Variants in TBC1D30 observed in about 807,000 individuals in gnomAD.
TBC1D30 encodes the protein TBC1 domain family member 30.
TBC1D30 carries 31 observed loss-of-function variants against 63.2 expected under a neutral mutation model. The observed-to-expected ratio is 0.49, with a 90% CI of 0.37 to 0.66. TBC1D30 has a LOEUF of 0.66. Ranked by LOEUF, TBC1D30 falls within the 30% of genes least tolerant of loss-of-function variation. The pLI is 0.00. For missense variants in TBC1D30, 810 were observed against 953.6 expected (o/e 0.85, Z 1.98); for synonymous variants, 307 against 361.5 (o/e 0.85, Z 1.71).
intron 7 of TBC1D30, among the ~76,000 whole-genome samples, chr12:64,841,620 G>T (rs549835337): frequency 6.6e-6 from 1 of 152,234 alleles, no homozygotes; most frequent in South Asian, 2.1e-4. Flanking sequence ...GGCTTCCTCT[G>T]GTCCTGCAAC....
intron 2 of TBC1D30, among the ~76,000 whole-genome samples, chr12:64,789,566 A>G (rs915209119): frequency 2.6e-5 from 4 of 152,182 alleles, no homozygotes; most frequent in Non-Finnish European, 5.9e-5. Context: ...GTTAATACAC[A>G]AAAGGGAATA....
At chr12:64,811,706 T>C (rs1453421374) in intron 2 of TBC1D30, among the ~76,000 whole-genome samples, 1 of 152,188 alleles carries the variant, frequency 6.6e-6, no homozygotes, top group African/African-American at 2.4e-5. Context: ...TATCATGAGA[T>C]TTTTTTGTTA....
Position 64,877,848 on chromosome 12 carries a change from T to C in TBC1D30, c.*2060T>C, listed in dbSNP as rs1879198463. The C allele has an allele frequency of 6.5e-6, 1 of 152,702 alleles. No homozygotes were observed. The highest frequency in any genetic ancestry group is 1.9e-4 in the East Asian group (1 of 5,210). 9.5% of individuals were successfully genotyped at this position (152,702 alleles called of 1,614,324 possible). On this transcript the variant is annotated 3_prime_UTR_variant, in exon 12 of 12. Coordinates refer to ENST00000539867, the MANE Select transcript of TBC1D30 (RefSeq NM_015279.2). ...TGTTCCCCTTGAGGGATGTCTGACT[T>C]GAATGGAGAATTGTTCTTTCCTCTC...
At chr12:64,845,217 C>T (rs1202118149) in intron 8 of TBC1D30, among the ~76,000 whole-genome samples, 1 of 152,132 alleles carries the variant, frequency 6.6e-6, no homozygotes, top group Non-Finnish European at 1.5e-5. Flanking sequence ...AGTGGTTGTA[C>T]TAATTTACAT....
chr12:64,838,668 T>A lies in TBC1D30; in HGVS notation c.764-15T>A. 6.5e-7 allele frequency: 1 copy of A among 1,536,192 alleles called. No homozygotes were observed. Among genetic ancestry groups the A allele is most frequent in the African/African-American group, 1.4e-5 (1 of 73,136 alleles). ...ATCAGTTCTGAAGGAATTGAATGTGTTTGTTTTATTTCAGGTGGATATGAG... is the reference window on the plus strand; with the variant it reads ...ATCAGTTCTGAAGGAATTGAATGTGATTGTTTTATTTCAGGTGGATATGAG... On this transcript the variant is annotated splice_polypyrimidine_tract_variant and intron_variant, in intron 6 of 11. Coordinates refer to ENST00000539867, the MANE Select transcript of TBC1D30 (RefSeq NM_015279.2).
intron 1 of TBC1D30, among the ~76,000 whole-genome samples, chr12:64,767,478 C>T (rs1419604973): frequency 6.6e-6 from 1 of 151,916 alleles, no homozygotes; most frequent in Non-Finnish European, 1.5e-5. Flanking sequence ...TTTTAAGCAG[C>T]CACCGATTTG....
intron 1 of TBC1D30, among the ~76,000 whole-genome samples, chr12:64,767,368 T>C (rs1449298022): frequency 6.6e-6 from 1 of 152,032 alleles, no homozygotes; most frequent in Non-Finnish European, 1.5e-5. Flanking sequence ...TGGGAAATGA[T>C]CATAGCCTAC....
chr12:64,872,083 A>G lies in TBC1D30; in HGVS notation c.1498+1275A>G, dbSNP rs922979111. Among the ~76,000 whole-genome samples, 123 of 152,198 alleles carry G rather than the reference A, an allele frequency of 8.1e-4. 1 individual carries two copies. The highest frequency in any genetic ancestry group is 8.0e-3 in the Admixed American group (123 of 15,284). ...TACTCTGTCATTCAGGCTGGAGTGC[A>G]GTGGTGCAATCTCAGCTCACTGTAA... On this transcript the variant is annotated intron_variant, in intron 11 of 11. Coordinates refer to ENST00000539867, the MANE Select transcript of TBC1D30 (RefSeq NM_015279.2).
At chr12:64,838,534 A>T in intron 6 of TBC1D30, 149 bp from the exon 7 acceptor site, 2 of 807,974 alleles carry the variant, frequency 2.5e-6, no homozygotes, top group Non-Finnish European at 3.7e-6. Context: ...AACATGGCAG[A>T]AAAAAGAAAG....
intron 2 of TBC1D30, among the ~76,000 whole-genome samples, chr12:64,808,047 T>A (rs1872989416): frequency 6.6e-6 from 1 of 150,764 alleles, no homozygotes; most frequent in South Asian, 2.1e-4. Flanking sequence ...TGAGCCACTA[T>A]GCCCAGCCAG....
chr12:64,804,166 G>C (rs557337445), intron 2 of TBC1D30, among the ~76,000 whole-genome samples: 6 of 152,006 alleles, frequency 3.9e-5, no homozygotes, highest in African/African-American at 1.5e-4. Context: ...CTTTTATTTC[G>C]TTGAGCAGTG....
rs1879352702 is a variant in TBC1D30 at position 64,880,004 on chromosome 12, G to A, written c.*4216G>A. 2.0e-5 allele frequency: 3 copies of A among 152,202 alleles called. No individual in the cohort carries two copies. In the South Asian group the frequency reaches 6.2e-4, roughly 32 times the overall value. 9.4% of individuals were successfully genotyped at this position (152,202 alleles called of 1,614,324 possible). ...AAAACAATATAAACATCTGGGAATA[G>A]GGGAGATGTTTGGATGAATTATGAT... On this transcript the variant is annotated 3_prime_UTR_variant, in exon 12 of 12. Transcript: ENST00000539867.
intron 5 of TBC1D30, 86 bp downstream of exon 5, chr12:64,832,390 TCCTTTTCCAAGGTGTTTGCCACA>T: frequency 1.5e-6 from 2 of 1,352,620 alleles, no homozygotes; most frequent in Non-Finnish European, 2.0e-6. Context: ...TGATGTCTCA[TCCTTTTCCAAGGTGTTTGCCACA>T]CCTTTGTAAT....
At chr12:64,780,087 C>T (rs144479798), upstream of TBC1D30, among the ~76,000 whole-genome samples, 12 of 152,274 alleles carry the variant, frequency 7.9e-5, no homozygotes, top group Admixed American at 6.5e-4. Flanking sequence ...ATTTATTAAA[C>T]CCTCACTCTG....
intron 9 of TBC1D30, among the ~76,000 whole-genome samples, chr12:64,865,668 C>A (rs1271364070): frequency 6.6e-6 from 1 of 152,044 alleles, no homozygotes; most frequent in East Asian, 1.9e-4. Context: ...CCAGCCTGGG[C>A]AACGTAGCAA....
chr12:64,853,909 A>G (rs1378685341), intron 8 of TBC1D30, among the ~76,000 whole-genome samples: 1 of 152,154 alleles, frequency 6.6e-6, no homozygotes, highest in Non-Finnish European at 1.5e-5. Flanking sequence ...TCTTGCTGGG[A>G]GCTGCAGACT....
rs61697442 is a variant in TBC1D30 at position 64,788,192 on chromosome 12, G to GGTGTGT, written c.643+2175_643+2180dup. On this transcript the variant is annotated intron_variant, in intron 2 of 12. Coordinates refer to the TBC1D30 transcript ENST00000542120. ...TAGAGAAGGAAGAAGGGTGTGTAGG[G>GGTGTGT]GTGTGTGTGTGTGTGTGTGTGTGTG... Among the ~76,000 whole-genome samples the GGTGTGT allele has an allele frequency of 7.5e-3, 1,086 of 145,142 alleles. 12 individuals carry two copies. The highest frequency in any genetic ancestry group is 0.025 in the African/African-American group (991 of 39,830).
chr12:64,789,023 T>A (rs551158313), intron 2 of TBC1D30, among the ~76,000 whole-genome samples: 22 of 152,190 alleles, frequency 1.4e-4, no homozygotes, highest in African/African-American at 3.6e-4. Flanking sequence ...TGAGATTTTT[T>A]AAAAAAACTG....
intron 8 of TBC1D30, among the ~76,000 whole-genome samples, chr12:64,849,839 A>ATCAAGT (rs1195107884): frequency 6.6e-6 from 1 of 152,188 alleles, no homozygotes; most frequent in Non-Finnish European, 1.5e-5. Flanking sequence ...TGGGGATAGC[A>ATCAAGT]TTGAATCTGT....
Sources: gnomAD v4.1 joint callset for allele counts (sites outside exome capture counted in the v4.1 genomes callset) on GRCh38, gnomAD v4.1.1 for gene constraint, MANE v1.5 for transcripts, NCBI Gene and HGNC (gene_info 2026-07-23, HGNC 2026-07-21) for gene names.